The following L3MBTL4 variants were observed in gnomAD, a reference collection of about 807,000 sequenced individuals.
The protein encoded by L3MBTL4 is lethal(3)malignant brain tumor-like protein 4.
In L3MBTL4, 70 loss-of-function variants were observed where a neutral mutation model predicts 84.5. The ratio of observed to expected loss-of-function variants is 0.83; its 90% CI spans 0.68 to 1.01. The LOEUF (loss-of-function observed/expected upper bound fraction) is 1.01. L3MBTL4 is among the 50% of genes least tolerant of loss of function. The probability of loss-of-function intolerance (pLI) is 0.00; values close to 1 mark genes in which losing one functional copy is unlikely to be tolerated. For synonymous variants in L3MBTL4, 274 were observed against 259.8 expected, an observed-to-expected ratio of 1.05 and a Z score of -0.52; for missense variants, 715 against 754.8, an observed-to-expected ratio of 0.95 and a Z score of 0.62.
chr18:5,957,712 T>A (rs975082522), intron 18 of L3MBTL4, among the ~76,000 whole-genome samples: 2 of 151,930 alleles, frequency 1.3e-5, no homozygotes, highest in Non-Finnish European at 2.9e-5. Flanking sequence ...TCCCAGCACT[T>A]TGGGAGGCCG....
chr18:6,266,902 G>A (rs991682859), intron 4 of L3MBTL4, among the ~76,000 whole-genome samples: 4 of 151,858 alleles, frequency 2.6e-5, no homozygotes, highest in Non-Finnish European at 2.9e-5. Context: ...CAGCCTGGGC[G>A]ACAGAGTGAA....
Position 6,286,081 on chromosome 18 carries a change from C to T in L3MBTL4, c.127+15822G>A, listed in dbSNP as rs192021477. On this transcript the variant is annotated intron_variant, in intron 4 of 18. Coordinates refer to ENST00000317931, the MANE Select transcript of L3MBTL4 (RefSeq NM_001330559.2). ...TCTTGACCTCGTGATCCGCCCGCCT[C>T]GGCCTCCCAAAGTGCTGGGATTAAA... 4.4e-3 allele frequency among the ~76,000 whole-genome samples: 668 copies of T among 151,818 alleles called. 8 individuals carry two copies. Among genetic ancestry groups the T allele is most frequent in the African/African-American group, 0.015 (629 of 41,514 alleles).
intron 1 of L3MBTL4, among the ~76,000 whole-genome samples, chr18:6,348,170 C>T (rs1599731029): frequency 1.3e-5 from 2 of 151,468 alleles, no homozygotes; most frequent in South Asian, 4.2e-4. Context: ...GAAAAAAATA[C>T]CATATATATG....
At chr18:6,305,359 T>G (rs935335661) in intron 3 of L3MBTL4, among the ~76,000 whole-genome samples, 4 of 152,198 alleles carry the variant, frequency 2.6e-5, no homozygotes, top group African/African-American at 9.6e-5. Flanking sequence ...GAAATTGGAC[T>G]AAATGTTCTC....
Position 6,316,259 on chromosome 18 carries a change from G to A in L3MBTL4, c.-90-4203C>T, listed in dbSNP as rs1417313588. Among the ~76,000 whole-genome samples, 12 of 152,292 alleles carry A rather than the reference G, an allele frequency of 7.9e-5. No individual in the cohort carries two copies. The East Asian group carries it at 2.3e-3, about 29-fold the overall frequency. The stretch of plus-strand genomic sequence containing the variant: ...TTCACCAACAGCCTGAAATGTGGCA[G>A]CCCTATGGGGTGGCTACACCCAGAG... On this transcript the variant is annotated intron_variant, in intron 1 of 18. Coordinates refer to ENST00000317931, the MANE Select transcript of L3MBTL4 (RefSeq NM_001330559.2).
At chr18:6,086,019 A>G (rs145089381) in intron 15 of L3MBTL4, among the ~76,000 whole-genome samples, 1,748 of 152,310 alleles carry the variant, frequency 0.011, 15 homozygotes, top group Non-Finnish European at 0.018. Context: ...TGTTTGATAG[A>G]AAAAGGTGTG....
chr18:6,403,314 G>A (rs895134698), intron 1 of L3MBTL4, among the ~76,000 whole-genome samples: 3 of 152,134 alleles, frequency 2.0e-5, no homozygotes, highest in African/African-American at 7.2e-5. Context: ...GTTTTGTGCA[G>A]AACTTTAGCA....
intron 17 of L3MBTL4, among the ~76,000 whole-genome samples, chr18:5,962,754 T>G (rs2095269751): frequency 6.6e-6 from 1 of 152,190 alleles, no homozygotes; most frequent in African/African-American, 2.4e-5. Flanking sequence ...TACAGACTCA[T>G]GCTGAGCCTC....
intron 12 of L3MBTL4, among the ~76,000 whole-genome samples, chr18:6,204,031 C>T (rs1373079838): frequency 6.6e-6 from 1 of 152,140 alleles, no homozygotes; most frequent in Non-Finnish European, 1.5e-5. Context: ...CTGGGACTGG[C>T]ATGCTGCCCA....
At chr18:6,190,726 A>G (rs2145504514) in intron 12 of L3MBTL4, among the ~76,000 whole-genome samples, 1 of 152,328 alleles carries the variant, frequency 6.6e-6, no homozygotes, top group East Asian at 1.9e-4. Flanking sequence ...TTGCATATTA[A>G]AAGTTGGTAA....
At chr18:6,072,962 A>T (rs1320917214) in intron 16 of L3MBTL4, among the ~76,000 whole-genome samples, 15 of 139,784 alleles carry the variant, frequency 1.1e-4, no homozygotes, top group African/African-American at 3.8e-4. Context: ...TATCTAAGTA[A>T]TAATTTAAAG....
At chr18:6,151,609 G>T (rs2042899669) in intron 13 of L3MBTL4, among the ~76,000 whole-genome samples, 1 of 152,030 alleles carries the variant, frequency 6.6e-6, no homozygotes, top group South Asian at 2.1e-4. Context: ...TGTCCAGGCA[G>T]GTCTCCAACT....
chr18:6,017,978 T>C (rs1054453856), intron 16 of L3MBTL4: 30 of 152,180 alleles, frequency 2.0e-4, no homozygotes, highest in African/African-American at 7.2e-4. Context: ...GCACATCCTA[T>C]CCCAGCCCCA....
intron 16 of L3MBTL4, among the ~76,000 whole-genome samples, chr18:5,995,793 C>A (rs1339066591): frequency 1.3e-5 from 2 of 152,124 alleles, no homozygotes; most frequent in Non-Finnish European, 2.9e-5. Context: ...GTCCACTGAT[C>A]CCCACTACTT....
At chr18:6,237,657 T>C (rs191067666) in intron 10 of L3MBTL4, among the ~76,000 whole-genome samples, 3 of 151,878 alleles carry the variant, frequency 2.0e-5, no homozygotes, top group Admixed American at 6.6e-5. Flanking sequence ...GGTTTCACCA[T>C]ATTGGCCAGG....
intron 16 of L3MBTL4, among the ~76,000 whole-genome samples, chr18:6,071,392 A>T (rs2057591472): frequency 2.8e-5 from 2 of 72,608 alleles, no homozygotes; most frequent in African/African-American, 7.8e-5. Context: ...TCTTTCAATT[A>T]AAAAAAAAAA....
chr18:6,180,347 G>A lies in L3MBTL4; in HGVS notation c.982-8405C>T, dbSNP rs1043309150. 3.9e-5 allele frequency among the ~76,000 whole-genome samples: 6 copies of A among 152,176 alleles called. No individual in the cohort carries two copies. The South Asian group carries it at 1.2e-3, about 32-fold the overall frequency. On this transcript the variant is annotated intron_variant, in intron 12 of 18. Coordinates refer to ENST00000317931, the MANE Select transcript of L3MBTL4 (RefSeq NM_001330559.2). ...ATATGCCCCCAATTTCCAGATGACT[G>A]TGACTCCTAAACCCTCCCTCTCCCC... is the stretch of plus-strand genomic sequence containing the variant.
chr18:6,100,781 G>A (rs1053509725), intron 14 of L3MBTL4, among the ~76,000 whole-genome samples: 16 of 152,216 alleles, frequency 1.1e-4, no homozygotes, highest in Non-Finnish European at 4.4e-5. Flanking sequence ...TGGGGGAGCA[G>A]TGGCCCTGTT....
chr18:6,223,452 G>T (rs1261085806), intron 10 of L3MBTL4, among the ~76,000 whole-genome samples: 1 of 152,144 alleles, frequency 6.6e-6, no homozygotes, highest in African/African-American at 2.4e-5. Context: ...TTTGCCATGA[G>T]ACATAGTTGA....
Sources: allele counts gnomAD v4.1 joint callset (sites outside exome capture counted in the v4.1 genomes callset), GRCh38; gene constraint gnomAD v4.1.1; transcripts MANE v1.5; gene names NCBI Gene and HGNC (gene_info 2026-07-23, HGNC 2026-07-21).